The following LMO3 variants were observed in gnomAD, a reference collection of about 807,000 sequenced individuals.
LMO3 encodes the protein LIM domain only protein 3.
Under a neutral mutation model 15.8 loss-of-function variants are expected in LMO3, and 2 were observed. The observed-to-expected ratio is 0.13, with a 90% CI of 0.05 to 0.40. The LOEUF (loss-of-function observed/expected upper bound fraction) is 0.40. LMO3 is among the 10% of genes least tolerant of loss of function. The probability of loss-of-function intolerance (pLI) is 0.99; values close to 1 mark genes in which losing one functional copy is unlikely to be tolerated. For missense variants in LMO3, 86 were observed against 182.2 expected, an observed-to-expected ratio of 0.47 and a Z score of 3.04; for synonymous variants, 62 against 63.8, an observed-to-expected ratio of 0.97 and a Z score of 0.13.
In LMO3 at chr12:16,605,951, C is replaced by T; in HGVS notation, c.-9+115G>A. On this transcript the variant is annotated intron_variant, in intron 1 of 3. Coordinates refer to ENST00000537304, the MANE Select transcript of LMO3 (RefSeq NM_018640.5). The stretch of plus-strand genomic sequence containing the variant: ...TGGGTTGCAGCTCCAGTTTATGCCT[C>T]ATTAGCAGAGGTTGGGGAAGAAAAA... The T allele has an allele frequency of 1.9e-5, 16 of 840,528 alleles. 1 individual carries two copies. In the South Asian group the frequency reaches 2.4e-4, roughly 13 times the overall value. 52.1% of individuals were successfully genotyped at this position (840,528 alleles called of 1,614,324 possible).
intron 2 of LMO3, among the ~76,000 whole-genome samples, chr12:16,569,546 A>G (rs776163076): frequency 5.3e-5 from 8 of 152,188 alleles, no homozygotes; most frequent in Non-Finnish European, 7.4e-5. Context: ...TGATCAGCAC[A>G]GCAGCCTACT....
intron 3 of LMO3, 75 bp from the exon 4 acceptor site, chr12:16,551,402 C>T (rs1420882760): frequency 3.3e-6 from 3 of 899,774 alleles, no homozygotes; most frequent in Admixed American, 1.9e-5. Context: ...ATTTATTTTC[C>T]TATTAATAGT....
At chr12:16,594,276 G>A (rs1338860150) in intron 2 of LMO3, 2 of 1,520,744 alleles carry the variant, frequency 1.3e-6, no homozygotes, top group African/African-American at 1.4e-5. Context: ...ACAAGAGGAA[G>A]TGCCATGTGT....
chr12:16,592,588 C>G, intron 2 of LMO3, among the ~76,000 whole-genome samples: 1 of 151,818 alleles, frequency 6.6e-6, no homozygotes, highest in Non-Finnish European at 1.5e-5. Flanking sequence ...TCCTACCCAC[C>G]CAGGTAAAGG....
intron 2 of LMO3, among the ~76,000 whole-genome samples, chr12:16,570,217 G>A (rs1052625454): frequency 6.6e-6 from 1 of 152,044 alleles, no homozygotes; most frequent in South Asian, 2.1e-4. Flanking sequence ...GGTTTTCTAG[G>A]TGAAACTTTT....
rs1375049382 is a variant in LMO3, at chr12:16,555,321, T to A, written c.333-3994A>T. Among the ~76,000 whole-genome samples the A allele has an allele frequency of 6.6e-6, 1 of 152,212 alleles. No homozygotes were observed. Among genetic ancestry groups the A allele is most frequent in the African/African-American group, 2.4e-5 (1 of 41,460 alleles). On this transcript the variant is annotated intron_variant, in intron 3 of 3. Transcript: ENST00000537304. The surrounding 1 kb of genome is among the most constrained non-coding windows in gnomAD (Gnocchi z 5.5). ...CTTCTGACCATGTAAATTTGCTTAT[T>A]CTGATGTTTCCCAAAGCACTTATTT...
At chr12:16,551,375 G>A (rs1481948238) in intron 3 of LMO3, 48 bp from the exon 4 acceptor site, 4 of 1,101,782 alleles carry the variant, frequency 3.6e-6, no homozygotes, top group Admixed American at 1.8e-5. Flanking sequence ...ATTTCACTTG[G>A]ATCTAGAAAT....
Position 16,593,325 on chromosome 12 carries a change from A to G in LMO3, c.206+7330T>C, listed in dbSNP as rs749310847. ...GAGTTTTAATATTAAATTGAATCAT[A>G]ACAACACATGCTGATTAGAGTCTAA... is the stretch of plus-strand genomic sequence containing the variant. On this transcript the variant is annotated intron_variant, in intron 2 of 3. Coordinates refer to ENST00000537304, the MANE Select transcript of LMO3 (RefSeq NM_018640.5). The surrounding 1 kb of genome is among the most constrained non-coding windows in gnomAD (Gnocchi z 4.2). 6.6e-6 allele frequency among the ~76,000 whole-genome samples: 1 copy of G among 151,782 alleles called. No homozygotes were observed. Among genetic ancestry groups the G allele is most frequent in the Non-Finnish European group, 1.5e-5 (1 of 67,786 alleles).
upstream of LMO3, among the ~76,000 whole-genome samples, chr12:16,609,434 C>T (rs1944085878): frequency 6.6e-6 from 1 of 152,116 alleles, no homozygotes; most frequent in Non-Finnish European, 1.5e-5. Flanking sequence ...GAGTAAACTA[C>T]CCAGTTTAAT....
intron 3 of LMO3, among the ~76,000 whole-genome samples, chr12:16,558,671 T>C (rs1372847655): frequency 1.3e-5 from 2 of 152,114 alleles, no homozygotes. Flanking sequence ...AGATAACATC[T>C]TACATGACTG....
At chr12:16,571,682 G>A (rs1942816579) in intron 2 of LMO3, among the ~76,000 whole-genome samples, 1 of 151,922 alleles carries the variant, frequency 6.6e-6, no homozygotes, top group Non-Finnish European at 1.5e-5. Context: ...CTGTTCTTTG[G>A]TTCCTTCACT....
At chr12:16,570,345 T>C (rs527263152) in intron 2 of LMO3, among the ~76,000 whole-genome samples, 7 of 152,146 alleles carry the variant, frequency 4.6e-5, no homozygotes, top group Non-Finnish European at 1.0e-4. Context: ...TTTCTTTCCA[T>C]ACACTATATA....
intron 1 of LMO3, chr12:16,605,436 G>GCCCC: frequency 2.7e-6 from 1 of 372,018 alleles, no homozygotes; most frequent in Non-Finnish European, 3.3e-6. Flanking sequence ...CTACCCGCCT[G>GCCCC]CCCCCCCCCC....
Position 16,597,925 on chromosome 12 carries a change from T to G in LMO3, c.206+2730A>C, listed in dbSNP as rs919463931. The G allele has an allele frequency of 2.0e-5, 3 of 152,040 alleles. No homozygotes were observed. Among genetic ancestry groups the G allele is most frequent in the Non-Finnish European group, 4.4e-5 (3 of 67,914 alleles). The allele number at this position is 152,040 out of a possible 1,614,324, so 9.4% of individuals were successfully genotyped here. A position where few individuals can be genotyped will look rare whatever the true frequency, so the allele number is the denominator to read the frequency against. On this transcript the variant is annotated intron_variant, in intron 2 of 3. Coordinates refer to ENST00000537304, the MANE Select transcript of LMO3 (RefSeq NM_018640.5). This position sits in a 1 kb window ranked among gnomAD's most constrained non-coding sequence, Gnocchi z 5.0. ...TTCACTGATTATATTACAGATTCTA[T>G]GTAATTAAATAAACAATTAGATAGT...
At chr12:16,605,330 C>T (rs1943951460) in intron 1 of LMO3, 1 of 1,158,902 alleles carries the variant, frequency 8.6e-7, no homozygotes, top group Admixed American at 4.4e-5. Context: ...TCTGAGTAGT[C>T]CCCGTAAAAA....
intron 2 of LMO3, among the ~76,000 whole-genome samples, chr12:16,562,673 G>A (rs1263229649): frequency 6.6e-6 from 1 of 152,170 alleles, no homozygotes; most frequent in African/African-American, 2.4e-5. Context: ...GTAATGCATG[G>A]CCAGCCCTGA....
intron 2 of LMO3, chr12:16,594,069 C>T: frequency 1.4e-6 from 2 of 1,410,604 alleles, no homozygotes; most frequent in South Asian, 1.3e-5. Flanking sequence ...TAGATGAGTG[C>T]TATAGTTTGC....
rs1220610272 is a variant in LMO3 at position 16,576,974 on chromosome 12, C to G, written c.207-16436G>C. Among the ~76,000 whole-genome samples, 2 of 152,174 alleles carry G rather than the reference C, an allele frequency of 1.3e-5. No homozygotes were observed. The highest frequency in any genetic ancestry group is 4.8e-5 in the African/African-American group (2 of 41,442). On this transcript the variant is annotated intron_variant, in intron 2 of 3. Transcript: ENST00000537304. The surrounding 1 kb of genome is among the most constrained non-coding windows in gnomAD (Gnocchi z 4.1). ...TAAGGGCAAAGCTATATGAGTAAAACTACACTGGAAGCTTGCTAGGCAACA... is the reference window on the plus strand; with the variant it reads ...TAAGGGCAAAGCTATATGAGTAAAAGTACACTGGAAGCTTGCTAGGCAACA...
At chr12:16,600,631 C>G in intron 2 of LMO3, 24 bp downstream of exon 2, 1 of 1,596,398 alleles carries the variant, frequency 6.3e-7, no homozygotes, top group Non-Finnish European at 8.6e-7. Context: ...CCAGTCATCA[C>G]TGGTGTGCAA....
Sources: allele counts gnomAD v4.1 joint callset (sites outside exome capture counted in the v4.1 genomes callset), GRCh38; gene constraint gnomAD v4.1.1; non-coding constraint Gnocchi (gnomAD v3.1); transcripts MANE v1.5; gene names NCBI Gene and HGNC (gene_info 2026-07-23, HGNC 2026-07-21).